DSG2: variants seen among roughly 807,000 people sequenced by gnomAD.
DSG2 encodes desmoglein-2.
DSG2 carries 45 observed loss-of-function variants against 75.6 expected under a neutral mutation model. That is an observed-to-expected ratio of 0.60 (90% CI 0.47 to 0.76). The LOEUF (loss-of-function observed/expected upper bound fraction) is 0.76, where lower values mean the gene tolerates loss of function less well. Ranked by LOEUF, DSG2 falls within the 30% of genes least tolerant of loss-of-function variation. The pLI is 0.00. For synonymous variants in DSG2, 429 were observed against 483.9 expected (o/e 0.89, Z 1.49); for missense variants, 1,267 against 1,357.4 (o/e 0.93, Z 1.05).
At chr18:31,537,717 G>C (rs565726452) in intron 11 of DSG2, among the ~76,000 whole-genome samples, 1 of 151,934 alleles carries the variant, frequency 6.6e-6, no homozygotes, top group Admixed American at 6.6e-5. Flanking sequence ...TCAATAACAA[G>C]TTGAAGCCGG....
chr18:31,509,269 T>C (rs1302966454), intron 1 of DSG2, among the ~76,000 whole-genome samples: 1 of 152,186 alleles, frequency 6.6e-6, no homozygotes, highest in Non-Finnish European at 1.5e-5. Context: ...TCAATATGAC[T>C]CACCTAAAAT....
rs148427675 is a variant in DSG2, at chr18:31,527,693, T to C, written c.1014+2805T>C. 4.7e-3 allele frequency among the ~76,000 whole-genome samples: 715 copies of C among 152,332 alleles called. 4 individuals are homozygous for C. The highest frequency in any genetic ancestry group is 0.016 in the African/African-American group (673 of 41,574). On this transcript the variant is annotated intron_variant, in intron 8 of 14. Transcript: ENST00000261590. ...AAATTAAAACTATAAGAGATACCAC[T>C]TTACCTTCTAGAATGGCAGAAATGA...
chr18:31,522,898 C>T (rs1242700373), intron 6 of DSG2, among the ~76,000 whole-genome samples: 1 of 152,098 alleles, frequency 6.6e-6, no homozygotes, highest in Non-Finnish European at 1.5e-5. Flanking sequence ...AGTAGGTTTA[C>T]TAGGAAGGCA....
At chr18:31,502,820 C>T (rs776603635) in intron 1 of DSG2, among the ~76,000 whole-genome samples, 9 of 152,014 alleles carry the variant, frequency 5.9e-5, no homozygotes, top group Non-Finnish European at 1.0e-4. Context: ...AAGGAAGGAA[C>T]TTTAACTGAA....
Position 31,498,188 on chromosome 18 carries a change from T to C in DSG2, c.-64T>C. On this transcript the variant is annotated 5_prime_UTR_variant, in exon 1 of 15. Transcript: ENST00000261590. Reference sequence around the variant, plus strand: ...AGGCCGGGGCCAGGGAGGAGCCGAGTGCGCGCTCGGGGCAGGCGGCGGCGC... The same window carrying C: ...AGGCCGGGGCCAGGGAGGAGCCGAGCGCGCGCTCGGGGCAGGCGGCGGCGC... 1 of 1,216,830 alleles carries C rather than the reference T, an allele frequency of 8.2e-7. No individual in the cohort carries two copies. The highest frequency in any genetic ancestry group is 1.0e-6 in the Non-Finnish European group (1 of 975,436). The allele number at this position is 1,216,830 out of a possible 1,614,324, so 75.4% of individuals were successfully genotyped here.
At chr18:31,503,826 T>C (rs1188053440) in intron 1 of DSG2, among the ~76,000 whole-genome samples, 1 of 152,060 alleles carries the variant, frequency 6.6e-6, no homozygotes, top group Non-Finnish European at 1.5e-5. Context: ...GGAAGGCATT[T>C]TGGTTGTCAC....
At chr18:31,525,411 A>G (rs1447412698) in intron 8 of DSG2, among the ~76,000 whole-genome samples, 4 of 151,954 alleles carry the variant, frequency 2.6e-5, no homozygotes, top group Admixed American at 1.3e-4. Flanking sequence ...CCCAGCTACT[A>G]AAGAGGCTTA....
chr18:31,517,795 G>A (rs2073102359), intron 1 of DSG2, among the ~76,000 whole-genome samples: 1 of 152,068 alleles, frequency 6.6e-6, no homozygotes, highest in African/African-American at 2.4e-5. Context: ...CCGTGTGTGT[G>A]TGGTGTGTGT....
chr18:31,536,076 T>G, intron 10 of DSG2, 126 bp from the exon 11 acceptor site: 1 of 844,622 alleles, frequency 1.2e-6, no homozygotes. Flanking sequence ...TTGAAACATA[T>G]CTAGGATAGA....
intron 8 of DSG2, among the ~76,000 whole-genome samples, chr18:31,526,690 T>C (rs1347206595): frequency 6.6e-6 from 1 of 152,170 alleles, no homozygotes; most frequent in Non-Finnish European, 1.5e-5. Context: ...ACAGAGGTGC[T>C]AGCATAGAAT....
intron 1 of DSG2, among the ~76,000 whole-genome samples, chr18:31,511,767 A>G (rs1393490754): frequency 6.6e-6 from 1 of 152,206 alleles, no homozygotes; most frequent in Non-Finnish European, 1.5e-5. Context: ...AAAAGTGCAC[A>G]TATCACGAGT....
intron 3 of DSG2, 39 bp downstream of exon 3, chr18:31,519,976 C>G (rs749881107): frequency 1.1e-5 from 17 of 1,613,444 alleles, no homozygotes. Flanking sequence ...ATGCATATGA[C>G]TAAAATGTGG....
intron 12 of DSG2, 24 bp from the exon 13 acceptor site, chr18:31,541,169 G>A (rs755977955): frequency 3.1e-6 from 5 of 1,613,956 alleles, no homozygotes; most frequent in South Asian, 1.1e-5. Context: ...AACCTTATCT[G>A]TGTTCAATTT....
At chr18:31,502,008 A>G (rs1046708298) in intron 1 of DSG2, among the ~76,000 whole-genome samples, 1 of 152,254 alleles carries the variant, frequency 6.6e-6, no homozygotes. Flanking sequence ...AGAATAATCA[A>G]TTATCATATC....
In DSG2 at chr18:31,548,427, A is replaced by G. The variant is rs923731981; in HGVS notation, c.*1684A>G. 6.7e-6 allele frequency: 1 copy of G among 148,292 alleles called. No homozygotes were observed. Among genetic ancestry groups the G allele is most frequent in the Admixed American group, 6.7e-5 (1 of 14,820 alleles). The allele number at this position is 148,292 out of a possible 1,614,324, so 9.2% of individuals were successfully genotyped here. A position where few individuals can be genotyped will look rare whatever the true frequency, so the allele number is the denominator to read the frequency against. ...AAATATTGTTGAATGGTGTCATGCA[A>G]AGGATTTATATAGTGTGCTCCCACT... On this transcript the variant is annotated 3_prime_UTR_variant, in exon 15 of 15. Coordinates refer to ENST00000261590, the MANE Select transcript of DSG2 (RefSeq NM_001943.5).
chr18:31,521,273 A>G, intron 5 of DSG2, 30 bp downstream of exon 5: 1 of 1,563,692 alleles, frequency 6.4e-7, no homozygotes, highest in Non-Finnish European at 8.7e-7. Flanking sequence ...TTTTTAATAA[A>G]TAAATACCTA....
intron 1 of DSG2, among the ~76,000 whole-genome samples, chr18:31,505,446 ATCC>A (rs1158730578): frequency 6.6e-6 from 1 of 152,130 alleles, no homozygotes; most frequent in Non-Finnish European, 1.5e-5. Context: ...TAGTAGTTTG[ATCC>A]TCCTATTAAA....
At chr18:31,498,354 G>T in intron 1 of DSG2, 58 bp downstream of exon 1, 1 of 1,246,466 alleles carries the variant, frequency 8.0e-7, no homozygotes, top group Non-Finnish European at 1.0e-6. Flanking sequence ...GGTAGGCGAG[G>T]TCTAGACCTC....
At chr18:31,539,466 T>A (rs1331575154) in intron 12 of DSG2, among the ~76,000 whole-genome samples, 1 of 152,250 alleles carries the variant, frequency 6.6e-6, no homozygotes, top group Non-Finnish European at 1.5e-5. Flanking sequence ...CCCGCTTGCC[T>A]TGTTTCTTCG....
Sources: gnomAD v4.1 joint callset for allele counts (sites outside exome capture counted in the v4.1 genomes callset) on GRCh38, gnomAD v4.1.1 for gene constraint, MANE v1.5 for transcripts, NCBI Gene and HGNC (gene_info 2026-07-23, HGNC 2026-07-21) for gene names.